Variants in JAK1 observed in about 807,000 individuals in gnomAD.
JAK1 encodes the protein tyrosine-protein kinase JAK1.
A neutral mutation model predicts 136.6 loss-of-function variants in JAK1; 16 were observed. The observed-to-expected ratio is 0.12, with a 90% CI of 0.08 to 0.18. The LOEUF (loss-of-function observed/expected upper bound fraction) is 0.18, where lower values mean the gene tolerates loss of function less well. Ranked by LOEUF, JAK1 falls within the 10% of genes least tolerant of loss-of-function variation. The probability of loss-of-function intolerance (pLI) is 1.00; values close to 1 mark genes in which losing one functional copy is unlikely to be tolerated. For missense variants in JAK1, 859 were observed against 1,450.1 expected, an observed-to-expected ratio of 0.59 and a Z score of 6.62; for synonymous variants, 492 against 519.5, an observed-to-expected ratio of 0.95 and a Z score of 0.72.
chr1:64,903,558 A>G (rs1410711255), intron 1 of JAK1, among the ~76,000 whole-genome samples: 2 of 152,218 alleles, frequency 1.3e-5, no homozygotes, highest in African/African-American at 4.8e-5. Flanking sequence ...ATAAGTGCAC[A>G]AGGTTTAGAA....
intron 2 of JAK1, among the ~76,000 whole-genome samples, chr1:65,028,489 G>A (rs1215551333): frequency 2.8e-5 from 4 of 144,330 alleles, no homozygotes. Context: ...GGAAGGGAGG[G>A]AGGGAGGGAG....
chr1:65,051,233 T>G (rs1483909002), intron 1 of JAK1, among the ~76,000 whole-genome samples: 2 of 151,918 alleles, frequency 1.3e-5, no homozygotes, highest in African/African-American at 2.4e-5. Flanking sequence ...GTGGAAAGAT[T>G]CATGTCTCAA....
intron 2 of JAK1, chr1:64,972,320 T>A (rs890602879): frequency 8.5e-5 from 13 of 152,236 alleles, no homozygotes; most frequent in Admixed American, 8.5e-4. Flanking sequence ...TTTGAAAAAT[T>A]ATAATGTCCA....
At chr1:65,047,931 T>C (rs1424390208) in intron 1 of JAK1, among the ~76,000 whole-genome samples, 3 of 152,060 alleles carry the variant, frequency 2.0e-5, no homozygotes, top group Non-Finnish European at 2.9e-5. Flanking sequence ...AAAAATCAGT[T>C]GTGGACAGTT....
At chr1:65,059,160 A>C (rs1647681643) in intron 1 of JAK1, among the ~76,000 whole-genome samples, 1 of 143,856 alleles carries the variant, frequency 7.0e-6, no homozygotes, top group South Asian at 2.2e-4. Context: ...AAAAAAAAAA[A>C]CTTAGGTGAT....
At chr1:64,900,195 A>C (rs1296770507) in intron 1 of JAK1, among the ~76,000 whole-genome samples, 1 of 152,246 alleles carries the variant, frequency 6.6e-6, no homozygotes, top group Non-Finnish European at 1.5e-5. Context: ...AATTCAAAGC[A>C]ATTAAGAGAT....
intron 11 of JAK1, among the ~76,000 whole-genome samples, chr1:64,852,560 G>A (rs564240007): frequency 3.9e-4 from 59 of 152,342 alleles, no homozygotes; most frequent in Admixed American, 3.1e-3. Flanking sequence ...AAGGGGCCCC[G>A]TGGCTGGTGT....
At chr1:64,927,452 AG>A (rs1168683925) in intron 1 of JAK1, among the ~76,000 whole-genome samples, 9 of 152,346 alleles carry the variant, frequency 5.9e-5, no homozygotes, top group African/African-American at 1.9e-4. Context: ...CGAATAAATG[AG>A]GCTCAGAAAG....
chr1:64,918,646 G>T, intron 1 of JAK1: 1 of 191,362 alleles, frequency 5.2e-6, no homozygotes, highest in South Asian at 9.5e-5. Flanking sequence ...CAGTGAATGT[G>T]GATTACAGTA....
At chr1:64,837,497 C>T (rs962047347) in intron 22 of JAK1, among the ~76,000 whole-genome samples, 3 of 152,134 alleles carry the variant, frequency 2.0e-5, no homozygotes, top group Admixed American at 1.3e-4. Context: ...CCAGGTCTCC[C>T]GTAGGTTTTG....
chr1:64,880,939 T>C (rs958246201), intron 3 of JAK1, among the ~76,000 whole-genome samples: 2 of 151,378 alleles, frequency 1.3e-5, no homozygotes, highest in African/African-American at 4.9e-5. Flanking sequence ...AAAGACTCTG[T>C]CTCAAACAAA....
chr1:65,053,339 C>T (rs140158961), intron 1 of JAK1, among the ~76,000 whole-genome samples: 11 of 151,810 alleles, frequency 7.2e-5, no homozygotes, highest in East Asian at 5.8e-4. Context: ...AGCAAGACTC[C>T]GCCTCAAAAA....
chr1:65,022,073 T>C (rs1186524681), intron 2 of JAK1, among the ~76,000 whole-genome samples: 1 of 152,150 alleles, frequency 6.6e-6, no homozygotes, highest in Non-Finnish European at 1.5e-5. Flanking sequence ...TAAGGCACAG[T>C]AGAGAATAAG....
In JAK1 at chr1:64,845,037, G is replaced by A; in HGVS notation, c.2116-148C>T. On this transcript the variant is annotated intron_variant, in intron 15 of 24. Coordinates refer to ENST00000342505, the MANE Select transcript of JAK1 (RefSeq NM_002227.4). Reference sequence around the variant, plus strand: ...GCTGCCAATCATCTGTGTGACTTAGGCACATCACAGGTGCCCCTTGGCTCC... The same window carrying A: ...GCTGCCAATCATCTGTGTGACTTAGACACATCACAGGTGCCCCTTGGCTCC... 3.8e-6 allele frequency: 4 copies of A among 1,066,028 alleles called. No individual in the cohort carries two copies. The Admixed American group carries it at 6.8e-5, about 18-fold the overall frequency. The allele number at this position is 1,066,028 out of a possible 1,614,324, so 66.0% of individuals were successfully genotyped here.
intron 2 of JAK1, among the ~76,000 whole-genome samples, chr1:65,038,478 C>T (rs541271358): frequency 2.0e-5 from 3 of 152,130 alleles, no homozygotes; most frequent in African/African-American, 7.2e-5. Flanking sequence ...GAATTACAGG[C>T]GTGAGCCACC....
intron 1 of JAK1, among the ~76,000 whole-genome samples, chr1:64,904,666 C>T (rs1645163566): frequency 6.6e-6 from 1 of 152,066 alleles, no homozygotes; most frequent in Non-Finnish European, 1.5e-5. Flanking sequence ...GACTTTTCTT[C>T]TTGGGTAGAT....
chr1:64,865,111 G>C, intron 7 of JAK1, 139 bp from the exon 8 acceptor site: 1 of 660,544 alleles, frequency 1.5e-6, no homozygotes, highest in Non-Finnish European at 2.6e-6. Flanking sequence ...TGCAGGATTG[G>C]GGGAGTTGGC....
intron 1 of JAK1, among the ~76,000 whole-genome samples, chr1:65,053,156 G>A (rs777751350): frequency 2.6e-5 from 4 of 151,316 alleles, no homozygotes; most frequent in Non-Finnish European, 5.9e-5. Context: ...GACCAGTCTG[G>A]TCAACATGGC....
intron 4 of JAK1, among the ~76,000 whole-genome samples, chr1:64,874,106 T>C (rs889811639): frequency 6.6e-6 from 1 of 152,144 alleles, no homozygotes; most frequent in Admixed American, 6.5e-5. Context: ...TTATATATAT[T>C]ATGTTATTTA....
Sources: allele counts gnomAD v4.1 joint callset (sites outside exome capture counted in the v4.1 genomes callset), GRCh38; gene constraint gnomAD v4.1.1; transcripts MANE v1.5; gene names NCBI Gene and HGNC (gene_info 2026-07-23, HGNC 2026-07-21).